The following IQUB variants were observed in gnomAD, a reference collection of about 807,000 sequenced individuals.
IQUB encodes IQ motif and ubiquitin domain containing.
In IQUB, 86 loss-of-function variants were observed where a neutral mutation model predicts 86.4. The observed-to-expected ratio is 1.00, with a 90% confidence interval of 0.84 to 1.19. The LOEUF (loss-of-function observed/expected upper bound fraction) is 1.19, where lower values mean the gene tolerates loss of function less well. Among genes scored for constraint, IQUB ranks in the 50% most tolerant of loss-of-function variants. IQUB has a pLI of 0.00. For missense variants in IQUB, 946 were observed against 916.9 expected (o/e 1.03, Z -0.41); for synonymous variants, 289 against 304.5 (o/e 0.95, Z 0.53).
intron 1 of IQUB, among the ~76,000 whole-genome samples, chr7:123,517,924 G>A (rs1028004551): frequency 5.3e-5 from 8 of 152,154 alleles, no homozygotes; most frequent in Admixed American, 3.3e-4. Flanking sequence ...AAAGCAGTCC[G>A]AAGGTATAGA....
At chr7:123,473,053 G>A (rs754419697) in intron 8 of IQUB, among the ~76,000 whole-genome samples, 2 of 152,088 alleles carry the variant, frequency 1.3e-5, no homozygotes, top group Non-Finnish European at 2.9e-5. Context: ...AGAGCAGCAG[G>A]CTTCCACAAA....
At chr7:123,467,077 A>G (rs1179196126) in intron 9 of IQUB, among the ~76,000 whole-genome samples, 1 of 151,992 alleles carries the variant, frequency 6.6e-6, no homozygotes, top group Non-Finnish European at 1.5e-5. Context: ...ATAAGCTTAC[A>G]TTAAATATTG....
At chr7:123,497,749 A>G (rs1053177719) in intron 6 of IQUB, among the ~76,000 whole-genome samples, 4 of 150,672 alleles carry the variant, frequency 2.7e-5, no homozygotes, top group African/African-American at 9.8e-5. Flanking sequence ...AGATATCGAC[A>G]AAGATACTAG....
chr7:123,502,447 G>A, intron 6 of IQUB, 150 bp downstream of exon 6: 1 of 650,222 alleles, frequency 1.5e-6, no homozygotes, highest in East Asian at 2.8e-5. Context: ...GAATACTGGA[G>A]ATAAAGACTG....
rs150882693 is a variant in IQUB, at chr7:123,533,408, T to C, written c.-5+1084A>G. ...TTCCTTACATCCTCATATTGTTTTA[T>C]GAGTCCTAATAATTAAATATCCCTT... On this transcript the variant is annotated intron_variant, in intron 1 of 12. Transcript: ENST00000324698. Among the ~76,000 whole-genome samples, 20 of 152,334 alleles carry C rather than the reference T, an allele frequency of 1.3e-4. No individual in the cohort carries two copies. In the East Asian group the frequency reaches 3.7e-3, roughly 28 times the overall value.
intron 11 of IQUB, 131 bp from the exon 12 acceptor site, chr7:123,457,697 T>C: frequency 5.9e-6 from 4 of 682,806 alleles, no homozygotes; most frequent in Non-Finnish European, 9.6e-6. Context: ...CAATGACACA[T>C]AGCCCCTTAT....
At chr7:123,514,858 T>G (rs1169097143) in intron 1 of IQUB, among the ~76,000 whole-genome samples, 1 of 152,236 alleles carries the variant, frequency 6.6e-6, no homozygotes. Context: ...TATTTGACTT[T>G]CTGTTTCTGA....
At chr7:123,453,321 AAAAT>A (rs1793532288) in intron 12 of IQUB, among the ~76,000 whole-genome samples, 1 of 147,068 alleles carries the variant, frequency 6.8e-6, no homozygotes, top group South Asian at 2.1e-4. Flanking sequence ...AGAAAAAACA[AAAAT>A]AAAAACAAAA....
intron 10 of IQUB, among the ~76,000 whole-genome samples, chr7:123,464,477 A>C (rs117488300): frequency 0.025 from 3,824 of 152,006 alleles, 75 homozygotes; most frequent in Middle Eastern, 0.054. Flanking sequence ...TGAGTCTTAG[A>C]AAATGAACAG....
chr7:123,493,731 ATG>A (rs71161484), intron 7 of IQUB, among the ~76,000 whole-genome samples: 8,196 of 112,538 alleles, frequency 0.073, 427 homozygotes, highest in African/African-American at 0.18. Context: ...ATGTGTGTGT[ATG>A]TGTGTGTGTG....
At chr7:123,511,609 T>G (rs1796416715) in intron 2 of IQUB, among the ~76,000 whole-genome samples, 1 of 152,222 alleles carries the variant, frequency 6.6e-6, no homozygotes, top group Non-Finnish European at 1.5e-5. Flanking sequence ...CAAATTGGCA[T>G]GTAAAATAAT....
intron 1 of IQUB, among the ~76,000 whole-genome samples, chr7:123,532,194 A>G (rs1257653874): frequency 1.3e-5 from 2 of 152,180 alleles, no homozygotes; most frequent in Admixed American, 6.5e-5. Flanking sequence ...AACTGAAAAG[A>G]GTCCTACTTT....
chr7:123,464,737 CAAGTA>C, intron 10 of IQUB, 91 bp downstream of exon 10: 1 of 669,212 alleles, frequency 1.5e-6, no homozygotes, highest in Non-Finnish European at 2.4e-6. Flanking sequence ...CATGGACTCC[CAAGTA>C]AAGTGTTAAA....
intron 1 of IQUB, among the ~76,000 whole-genome samples, chr7:123,528,233 T>A (rs1246924475): frequency 6.6e-6 from 1 of 152,216 alleles, no homozygotes; most frequent in Non-Finnish European, 1.5e-5. Context: ...CCTAGTGAGA[T>A]GAACCCTGTA....
chr7:123,504,360 G>C (rs970254394), intron 3 of IQUB, among the ~76,000 whole-genome samples: 1 of 152,120 alleles, frequency 6.6e-6, no homozygotes, highest in Non-Finnish European at 1.5e-5. Context: ...TGAGGCAAGA[G>C]AATTACTTAA....
chr7:123,454,009 T>C (rs1793572984), intron 12 of IQUB, among the ~76,000 whole-genome samples: 2 of 152,092 alleles, frequency 1.3e-5, no homozygotes, highest in Non-Finnish European at 2.9e-5. Context: ...ATTCCCTCAA[T>C]AAAGGTCTCT....
At chr7:123,498,795 C>T (rs1316707013) in intron 6 of IQUB, among the ~76,000 whole-genome samples, 2 of 152,186 alleles carry the variant, frequency 1.3e-5, no homozygotes, top group Non-Finnish European at 2.9e-5. Context: ...CCTCACATCT[C>T]GCTGTCCAGA....
At chr7:123,485,279 A>AT (rs1373234663) in intron 7 of IQUB, among the ~76,000 whole-genome samples, 1 of 151,926 alleles carries the variant, frequency 6.6e-6, no homozygotes, top group Non-Finnish European at 1.5e-5. Flanking sequence ...TCTTCATATG[A>AT]TTTTCCCTCT....
intron 1 of IQUB, among the ~76,000 whole-genome samples, chr7:123,529,395 A>G (rs879901736): frequency 2.0e-5 from 3 of 151,574 alleles, no homozygotes; most frequent in Admixed American, 6.6e-5. Flanking sequence ...CTTTTCAACA[A>G]CTTCACAGTA....
Sources: gnomAD v4.1 joint callset for allele counts (sites outside exome capture counted in the v4.1 genomes callset) on GRCh38, gnomAD v4.1.1 for gene constraint, MANE v1.5 for transcripts, NCBI Gene and HGNC (gene_info 2026-07-23, HGNC 2026-07-21) for gene names.